The following CLEC12A variants were observed in gnomAD, a reference collection of about 807,000 sequenced individuals.
CLEC12A encodes the protein C-type lectin protein CLL-1.
In CLEC12A, 22 loss-of-function variants were observed where a neutral mutation model predicts 26.5. The observed-to-expected ratio is 0.83, with a 90% CI of 0.59 to 1.19. CLEC12A has a LOEUF of 1.19. CLEC12A is among the 50% of genes most tolerant of loss of function. The pLI is 0.00. For missense variants in CLEC12A, 353 were observed against 315.6 expected, an observed-to-expected ratio of 1.12 and a Z score of -0.90; for synonymous variants, 119 against 101.9, an observed-to-expected ratio of 1.17 and a Z score of -1.01.
chr12:10,000,788 T>C, the CLEC12A span, among the ~76,000 whole-genome samples: 2 of 152,232 alleles, frequency 1.3e-5, no homozygotes, highest in Non-Finnish European at 2.9e-5. Flanking sequence ...CCTCCCTCTC[T>C]TCCTTCCTTT....
At chr12:9,997,282 A>C (rs1198935026), downstream of CLEC12A, 1 of 1,604,846 alleles carries the variant, frequency 6.2e-7, no homozygotes. Flanking sequence ...CATGACAGCT[A>C]GGTTTAAAAA....
At chr12:9,961,432 C>A (rs1027723619) in intron 1 of CLEC12A, among the ~76,000 whole-genome samples, 1 of 152,170 alleles carries the variant, frequency 6.6e-6, no homozygotes. Context: ...TACATTCCTT[C>A]CTCACTATAT....
exon 5 of CLEC12A, chr12:9,995,433 A>G: frequency 1.7e-6 from 1 of 571,590 alleles, no homozygotes; most frequent in South Asian, 1.7e-5. Context: ...AAAAAAACTT[A>G]TAGGACACAG....
At chr12:9,959,633 C>G (rs919572055) in intron 1 of CLEC12A, among the ~76,000 whole-genome samples, 1 of 151,992 alleles carries the variant, frequency 6.6e-6, no homozygotes, top group African/African-American at 2.4e-5. Flanking sequence ...GTCCCACTGA[C>G]GAACAGGATG....
chr12:9,951,500 G>A (rs898223260), intron 1 of CLEC12A: 5 of 664,416 alleles, frequency 7.5e-6, no homozygotes, highest in South Asian at 3.2e-5. Context: ...ACACTCTTGG[G>A]GCTTGTTAGT....
At chr12:9,968,683 G>A (rs189978186), upstream of CLEC12A, among the ~76,000 whole-genome samples, 5 of 152,242 alleles carry the variant, frequency 3.3e-5, no homozygotes, top group East Asian at 9.6e-4. Flanking sequence ...GGGCTCAGAG[G>A]CCTGACAATA....
upstream of CLEC12A, among the ~76,000 whole-genome samples, chr12:9,967,389 C>T (rs1297081952): frequency 6.6e-6 from 1 of 152,112 alleles, no homozygotes; most frequent in Non-Finnish European, 1.5e-5. Flanking sequence ...TGGAAAGTGA[C>T]ATTTTCTGGC....
At chr12:9,972,302 C>T (rs1254026392) in intron 1 of CLEC12A, among the ~76,000 whole-genome samples, 2 of 152,142 alleles carry the variant, frequency 1.3e-5, no homozygotes, top group South Asian at 2.1e-4. Flanking sequence ...ATATTCAAAA[C>T]CACATTATAT....
At chr12:9,963,746 G>A (rs558112444) in intron 1 of CLEC12A, among the ~76,000 whole-genome samples, 5 of 152,276 alleles carry the variant, frequency 3.3e-5, no homozygotes, top group African/African-American at 7.2e-5. Flanking sequence ...GACCTTGTGC[G>A]AGGCAAAACT....
upstream of CLEC12A, chr12:9,971,387 A>G: frequency 8.4e-7 from 1 of 1,189,024 alleles, no homozygotes; most frequent in Non-Finnish European, 1.0e-6. Flanking sequence ...AATGTTCTTA[A>G]CTGAAGCCAC....
At chr12:9,989,984 T>C (rs951621257), downstream of CLEC12A, among the ~76,000 whole-genome samples, 13 of 152,178 alleles carry the variant, frequency 8.5e-5, no homozygotes, top group African/African-American at 3.1e-4. Context: ...CACATTTGTT[T>C]ATAGCATTGT....
chr12:9,996,895 C>T (rs1187525736), downstream of CLEC12A: 4 of 1,613,894 alleles, frequency 2.5e-6, no homozygotes, highest in Admixed American at 1.7e-5. Context: ...CATGTCAGTG[C>T]AGTACTGCTT....
chr12:9,957,797 A>G (rs993741949), intron 1 of CLEC12A, among the ~76,000 whole-genome samples: 1 of 152,242 alleles, frequency 6.6e-6, no homozygotes. Context: ...GTGAAATTCA[A>G]TCGAATAAAA....
chr12:9,962,898 G>A (rs1311563824), intron 1 of CLEC12A, among the ~76,000 whole-genome samples: 2 of 152,068 alleles, frequency 1.3e-5, no homozygotes, highest in African/African-American at 4.8e-5. Flanking sequence ...GTAAAGTGTT[G>A]GGACGGCAAA....
the CLEC12A span, among the ~76,000 whole-genome samples, chr12:10,002,359 T>A: frequency 6.6e-6 from 1 of 151,992 alleles, no homozygotes; most frequent in Admixed American, 6.6e-5. Flanking sequence ...TGGAGAAAAA[T>A]CATGAGGTTA....
chr12:9,983,558 G>C (rs981901712), intron 5 of CLEC12A: 15 of 695,396 alleles, frequency 2.2e-5, no homozygotes, highest in Non-Finnish European at 3.9e-5. Flanking sequence ...AGAAACCAGA[G>C]TCTCAACCTG....
chr12:9,975,404 C>T (rs557106132), intron 1 of CLEC12A, among the ~76,000 whole-genome samples: 23 of 152,158 alleles, frequency 1.5e-4, no homozygotes, highest in Admixed American at 3.9e-4. Context: ...TTGTTGGGAA[C>T]GGGAGCAAAG....
rs542103421 is a variant in CLEC12A at position 9,983,372 on chromosome 12, G to T, written c.641+1243G>T. Among the ~76,000 whole-genome samples, 11 of 152,150 alleles carry T rather than the reference G, an allele frequency of 7.2e-5. No individual in the cohort carries two copies. The South Asian group carries it at 2.3e-3, about 32-fold the overall frequency. Reference sequence around the variant, plus strand: ...ATATATAGTATAGATAAAATAATTTGTTGTGTAGTATAATGAGGAATGTGG... The same window carrying T: ...ATATATAGTATAGATAAAATAATTTTTTGTGTAGTATAATGAGGAATGTGG... On this transcript the variant is annotated intron_variant, in intron 5 of 5. Coordinates refer to ENST00000304361, the MANE Select transcript of CLEC12A (RefSeq NM_138337.6).
upstream of CLEC12A, among the ~76,000 whole-genome samples, chr12:9,966,424 G>A (rs1023135196): frequency 6.6e-6 from 1 of 152,176 alleles, no homozygotes; most frequent in African/African-American, 2.4e-5. Flanking sequence ...CGGTGAGATG[G>A]ACAGTCTGAT....
Sources: allele counts gnomAD v4.1 joint callset (sites outside exome capture counted in the v4.1 genomes callset), GRCh38; gene constraint gnomAD v4.1.1; transcripts MANE v1.5; gene names NCBI Gene and HGNC (gene_info 2026-07-23, HGNC 2026-07-21).